RERE: variants seen among roughly 807,000 people sequenced by gnomAD.
RERE encodes the protein arginine-glutamic acid dipeptide repeats.
RERE carries 40 observed loss-of-function variants against 146.1 expected under a neutral mutation model. The observed-to-expected ratio is 0.27, with a 90% confidence interval of 0.21 to 0.36. RERE has a LOEUF of 0.36. Among genes scored for constraint, RERE ranks in the 10% least tolerant of loss-of-function variants. The pLI, the probability that RERE is intolerant of heterozygous loss-of-function variation, is 1.00. For synonymous variants in RERE, 1,003 were observed against 866.0 expected, an observed-to-expected ratio of 1.16 and a Z score of -2.78; for missense variants, 1,933 against 2,138.7, an observed-to-expected ratio of 0.90 and a Z score of 1.90.
At chr1:8,514,547 T>A (rs897104221) in intron 7 of RERE, among the ~76,000 whole-genome samples, 1 of 152,062 alleles carries the variant, frequency 6.6e-6, no homozygotes. Flanking sequence ...CTAGTCAACA[T>A]GGTGAAACCC....
At chr1:8,415,323 T>A (rs774166876) in intron 12 of RERE, among the ~76,000 whole-genome samples, 2 of 152,184 alleles carry the variant, frequency 1.3e-5, no homozygotes, top group Non-Finnish European at 2.9e-5. Flanking sequence ...GTCATAAATG[T>A]CTCCATCTAA....
In RERE at chr1:8,564,860, GTGTGTGTGTGTA is replaced by G. The variant is rs1374276073; in HGVS notation, c.523-7349_523-7338del. ...TGTGTGTGTGTGTGTGTGTGTGTGT[GTGTGTGTGTGTA>G]TATATATATATAAAACTACTATTCA... On this transcript the variant is annotated intron_variant, in intron 4 of 22. Coordinates refer to ENST00000400908, the MANE Select transcript of RERE (RefSeq NM_001042681.2). 5.7e-3 allele frequency among the ~76,000 whole-genome samples: 751 copies of G among 132,406 alleles called. 5 individuals are homozygous for G. Among genetic ancestry groups the G allele is most frequent in the African/African-American group, 0.022 (701 of 31,822 alleles). The allele number at this position is 132,406 out of a possible 152,430, so 86.9% of individuals were successfully genotyped here.
At chr1:8,498,730 T>TACACACACAC (rs1357066114) in intron 8 of RERE, among the ~76,000 whole-genome samples, 600 of 11,800 alleles carry the variant, frequency 0.051, 9 homozygotes, top group East Asian at 0.098. Context: ...AAAATAAATA[T>TACACACACAC]ATACACACAC....
chr1:8,656,270 C>G lies in RERE; in HGVS notation c.28G>C (p.Asp10His). 3 of 1,613,166 alleles carry G rather than the reference C, an allele frequency of 1.9e-6. No individual in the cohort carries two copies. The South Asian group carries it at 3.3e-5, about 18-fold the overall frequency. Residue 10 changes from aspartate (D) to histidine (H), a missense_variant, in exon 2 of 23, where the codon GAC (aspartate) becomes CAC (histidine). This residue lies in a region of RERE where 107 missense variants were observed against 119.7 expected (regional missense o/e 0.89). Transcript: ENST00000400908. MTADKDKDK[D>H]KEKDRDRDRD... ...TCTCGGTCCCGGTCCTTCTCTTTGTCTTTGTCTTTGTCTTTGTCCGCTGTC... is the reference window on the plus strand; with the variant it reads ...TCTCGGTCCCGGTCCTTCTCTTTGTGTTTGTCTTTGTCTTTGTCCGCTGTC...
chr1:8,445,684 CTT>C (rs879168605), intron 11 of RERE, among the ~76,000 whole-genome samples: 1 of 146,092 alleles, frequency 6.8e-6, no homozygotes. Context: ...GGAACCCCAC[CTT>C]TTTTTTTTTA....
intron 1 of RERE, chr1:8,799,444 A>G: frequency 5.2e-6 from 1 of 192,170 alleles, no homozygotes; most frequent in Non-Finnish European, 1.1e-5. Flanking sequence ...GGCCAGGGTC[A>G]AGTTCAAAGA....
intron 12 of RERE, among the ~76,000 whole-genome samples, chr1:8,416,042 A>G (rs1332250072): frequency 6.6e-6 from 1 of 152,252 alleles, no homozygotes; most frequent in Non-Finnish European, 1.5e-5. Context: ...TGCCAATAAA[A>G]GAAAGCAATG....
chr1:8,784,683 G>C (rs1182478785), intron 1 of RERE, among the ~76,000 whole-genome samples: 5 of 152,060 alleles, frequency 3.3e-5, no homozygotes, highest in Non-Finnish European at 5.9e-5. Context: ...GCTTTAAGTG[G>C]TTAAGGAAAA....
intron 1 of RERE, among the ~76,000 whole-genome samples, chr1:8,811,894 A>C (rs1641818785): frequency 6.6e-6 from 1 of 152,206 alleles, no homozygotes; most frequent in Non-Finnish European, 1.5e-5. Context: ...GGGCCATGGC[A>C]CTAGGGTAAG....
intron 12 of RERE, among the ~76,000 whole-genome samples, chr1:8,411,733 T>C (rs1307480449): frequency 1.3e-5 from 2 of 152,220 alleles, no homozygotes; most frequent in Admixed American, 1.3e-4. Flanking sequence ...AAATTACATA[T>C]ACTAAAAGGT....
intron 1 of RERE, among the ~76,000 whole-genome samples, chr1:8,765,548 G>A (rs551634651): frequency 6.6e-6 from 1 of 152,348 alleles, no homozygotes; most frequent in Non-Finnish European, 1.5e-5. Flanking sequence ...GCCGGATGCG[G>A]TGGCTCATGT....
intron 10 of RERE, among the ~76,000 whole-genome samples, chr1:8,470,876 T>C (rs926240625): frequency 1.7e-5 from 2 of 120,678 alleles, no homozygotes; most frequent in South Asian, 5.8e-4. Context: ...TGGAGTGCAG[T>C]GGCACAATTT....
chr1:8,634,044 T>G (rs1251407049), intron 2 of RERE, among the ~76,000 whole-genome samples: 1 of 152,110 alleles, frequency 6.6e-6, no homozygotes, highest in Non-Finnish European at 1.5e-5. Flanking sequence ...CAATGACAGA[T>G]GAGAAGTAAA....
intron 12 of RERE, among the ~76,000 whole-genome samples, chr1:8,390,046 G>A (rs534735033): frequency 6.6e-6 from 1 of 152,274 alleles, no homozygotes; most frequent in South Asian, 2.1e-4. Context: ...TAGACAGTGA[G>A]GATGTTAACA....
At chr1:8,387,514 A>G (rs1412782739) in intron 12 of RERE, among the ~76,000 whole-genome samples, 1 of 152,248 alleles carries the variant, frequency 6.6e-6, no homozygotes, top group East Asian at 1.9e-4. Context: ...CCAATCATAA[A>G]AAGTGTGAAA....
In RERE at chr1:8,356,069, C is replaced by T. The variant is rs778352533; in HGVS notation, c.4486+31G>A. 2 of 1,465,866 alleles carry T rather than the reference C, an allele frequency of 1.4e-6. No individual in the cohort carries two copies. Among genetic ancestry groups the T allele is most frequent in the Admixed American group, 2.7e-5 (1 of 36,394 alleles). 90.8% of individuals were successfully genotyped at this position (1,465,866 alleles called of 1,614,324 possible). ...GACCCCAACCCAACCCTCACACGGC[C>T]TCCCCGCCCCTCCTGGAGGGGAAGT... On this transcript the variant is annotated intron_variant, in intron 21 of 22. Coordinates refer to ENST00000400908, the MANE Select transcript of RERE (RefSeq NM_001042681.2). This position sits in a 1 kb window ranked among gnomAD's most constrained non-coding sequence, Gnocchi z 5.2.
intron 1 of RERE, among the ~76,000 whole-genome samples, chr1:8,662,428 A>G (rs2124350381): frequency 6.6e-6 from 1 of 152,388 alleles, no homozygotes; most frequent in South Asian, 2.1e-4. Context: ...TAATCCCAGC[A>G]CTGTGGGATA....
At chr1:8,696,727 C>T (rs550190776) in intron 1 of RERE, among the ~76,000 whole-genome samples, 1 of 151,158 alleles carries the variant, frequency 6.6e-6, no homozygotes, top group African/African-American at 2.4e-5. Flanking sequence ...CTGGCCAACA[C>T]GGTGAAACCC....
intron 1 of RERE, among the ~76,000 whole-genome samples, chr1:8,659,489 G>A (rs752949500): frequency 5.3e-5 from 8 of 152,222 alleles, no homozygotes; most frequent in South Asian, 4.1e-4. Flanking sequence ...CCCAGGAAGC[G>A]GAGGTTGCAA....
Sources: gnomAD v4.1 joint callset for allele counts (sites outside exome capture counted in the v4.1 genomes callset) on GRCh38, gnomAD v4.1.1 for gene constraint, gnomAD v4.1.1 regional missense constraint, Gnocchi (gnomAD v3.1) non-coding constraint, MANE v1.5 for transcripts, NCBI Gene and HGNC (gene_info 2026-07-23, HGNC 2026-07-21) for gene names.